EYS: variants seen among roughly 807,000 people sequenced by gnomAD.
EYS encodes EGF-like photoreceptor maintenance factor.
EYS carries 250 observed loss-of-function variants against 282.1 expected under a neutral mutation model. That is an observed-to-expected ratio of 0.89 (90% CI 0.80 to 0.98). The LOEUF (loss-of-function observed/expected upper bound fraction) is 0.98. Among genes scored for constraint, EYS ranks in the 50% least tolerant of loss-of-function variants. The pLI is 0.00. For missense variants in EYS, 4,016 were observed against 3,709.0 expected (o/e 1.08, Z -2.15); for synonymous variants, 1,355 against 1,282.9 (o/e 1.06, Z -1.20).
intron 31 of EYS, among the ~76,000 whole-genome samples, chr6:64,151,510 G>A (rs376369778): frequency 4.6e-5 from 7 of 150,642 alleles, no homozygotes; most frequent in East Asian, 3.9e-4. Context: ...ACAGGCTTGC[G>A]CCACCAATGA....
At chr6:64,450,325 G>A (rs560942077) in intron 26 of EYS, among the ~76,000 whole-genome samples, 39 of 152,234 alleles carry the variant, frequency 2.6e-4, no homozygotes, top group Admixed American at 9.8e-4. Context: ...AAATATATAT[G>A]CACCCAATAC....
At chr6:64,547,387 A>C (rs986382796) in intron 26 of EYS, among the ~76,000 whole-genome samples, 1 of 152,130 alleles carries the variant, frequency 6.6e-6, no homozygotes, top group Non-Finnish European at 1.5e-5. Flanking sequence ...GTGCGTTTGC[A>C]ATCCCTGAGC....
At chr6:64,871,840 G>A (rs1053000976) in intron 19 of EYS, among the ~76,000 whole-genome samples, 11 of 151,970 alleles carry the variant, frequency 7.2e-5, no homozygotes, top group Admixed American at 5.3e-4. Context: ...GATGTTTAAA[G>A]GTTAACAGGG....
intron 33 of EYS, among the ~76,000 whole-genome samples, chr6:64,053,656 G>A (rs1562176438): frequency 1.3e-5 from 2 of 152,060 alleles, no homozygotes; most frequent in Non-Finnish European, 2.9e-5. Context: ...TTAACTACAG[G>A]TGAAGACCAA....
At chr6:65,316,770 G>C (rs1769305757) in intron 11 of EYS, among the ~76,000 whole-genome samples, 3 of 152,210 alleles carry the variant, frequency 2.0e-5, no homozygotes, top group Non-Finnish European at 4.4e-5. Flanking sequence ...AAGAATGATG[G>C]TTTCCAGCTT....
At chr6:65,093,889 C>G (rs544075442) in intron 12 of EYS, among the ~76,000 whole-genome samples, 2 of 151,592 alleles carry the variant, frequency 1.3e-5, no homozygotes, top group Non-Finnish European at 3.0e-5. Flanking sequence ...ATAAGAAACC[C>G]ACCTTAGCTT....
At chr6:65,061,256 CAAAT>C (rs1401513578) in intron 12 of EYS, among the ~76,000 whole-genome samples, 3 of 151,802 alleles carry the variant, frequency 2.0e-5, no homozygotes, top group Non-Finnish European at 4.4e-5. Context: ...ACTTATTTGA[CAAAT>C]AAATTAATAA....
chr6:64,553,829 T>C (rs926389902), intron 26 of EYS, among the ~76,000 whole-genome samples: 1 of 152,114 alleles, frequency 6.6e-6, no homozygotes. Context: ...GAAGAAATAA[T>C]TGGCAAAATA....
chr6:65,073,748 A>G (rs987291437), intron 12 of EYS, among the ~76,000 whole-genome samples: 2 of 151,948 alleles, frequency 1.3e-5, no homozygotes, highest in East Asian at 3.9e-4. Flanking sequence ...ATATACAAAT[A>G]TTATGCAGAA....
At chr6:63,917,124 T>A (rs1764442897) in intron 35 of EYS, among the ~76,000 whole-genome samples, 1 of 152,248 alleles carries the variant, frequency 6.6e-6, no homozygotes, top group Non-Finnish European at 1.5e-5. Context: ...ACAAGCAGTG[T>A]CATGTAACTG....
At chr6:64,310,088 TGCTG>T (rs1423903635) in intron 29 of EYS, among the ~76,000 whole-genome samples, 1 of 139,830 alleles carries the variant, frequency 7.2e-6, no homozygotes, top group African/African-American at 2.9e-5. Flanking sequence ...AAATAACAGA[TGCTG>T]GCAAGATTGT....
chr6:63,776,021 A>G (rs1156736314), intron 40 of EYS, among the ~76,000 whole-genome samples: 2 of 152,134 alleles, frequency 1.3e-5, no homozygotes, highest in Non-Finnish European at 2.9e-5. Context: ...TTGATAAGAA[A>G]AATTTTTAGA....
intron 26 of EYS, among the ~76,000 whole-genome samples, chr6:64,570,710 A>G (rs1025537210): frequency 6.6e-6 from 1 of 152,234 alleles, no homozygotes; most frequent in Non-Finnish European, 1.5e-5. Context: ...TGCTAAAGGG[A>G]TCAATGCAAC....
intron 34 of EYS, among the ~76,000 whole-genome samples, chr6:63,993,347 C>T (rs971578981): frequency 2.6e-5 from 4 of 151,266 alleles, no homozygotes; most frequent in African/African-American, 9.7e-5. Flanking sequence ...AAAATGCATC[C>T]AAATAAGAAA....
chr6:65,261,512 A>T (rs1029911025), intron 12 of EYS, among the ~76,000 whole-genome samples: 3 of 152,034 alleles, frequency 2.0e-5, no homozygotes, highest in Admixed American at 6.6e-5. Flanking sequence ...AAACTCAATT[A>T]TGGTTTGCAT....
intron 19 of EYS, among the ~76,000 whole-genome samples, chr6:64,883,130 G>A (rs1172291034): frequency 6.8e-6 from 1 of 148,088 alleles, no homozygotes; most frequent in Non-Finnish European, 1.5e-5. Flanking sequence ...CCCAAACTAT[G>A]CTTCTTTATA....
intron 26 of EYS, among the ~76,000 whole-genome samples, chr6:64,551,471 C>T (rs1022849033): frequency 6.6e-6 from 1 of 151,172 alleles, no homozygotes; most frequent in Non-Finnish European, 1.5e-5. Context: ...AAACTGTAAA[C>T]CAAAAATAAA....
At chr6:64,143,726 A>G (rs1025252446) in intron 31 of EYS, among the ~76,000 whole-genome samples, 2 of 152,216 alleles carry the variant, frequency 1.3e-5, no homozygotes, top group African/African-American at 4.8e-5. Flanking sequence ...CACATGAAGA[A>G]AAGTCAGGGA....
intron 35 of EYS, among the ~76,000 whole-genome samples, chr6:63,906,388 G>T (rs1773779618): frequency 6.6e-6 from 1 of 152,256 alleles, no homozygotes; most frequent in Non-Finnish European, 1.5e-5. Flanking sequence ...TTATAATAGG[G>T]CAGCTTATTA....
Sources: gnomAD v4.1 joint callset for allele counts (sites outside exome capture counted in the v4.1 genomes callset) on GRCh38, gnomAD v4.1.1 for gene constraint, MANE v1.5 for transcripts, NCBI Gene and HGNC (gene_info 2026-07-23, HGNC 2026-07-21) for gene names.